The following STPG4 variants were observed in gnomAD, a reference collection of about 807,000 sequenced individuals.
The protein encoded by STPG4 is sperm-tail PG-rich repeat containing 4.
A neutral mutation model predicts 31.5 loss-of-function variants in STPG4; 41 were observed. The observed-to-expected ratio is 1.30, with a 90% CI of 1.01 to 1.69. STPG4 has a LOEUF of 1.69. Among genes scored for constraint, STPG4 ranks in the 40% most tolerant of loss-of-function variants. The pLI is 0.00. For missense variants in STPG4, 375 were observed against 293.4 expected, an observed-to-expected ratio of 1.28 and a Z score of -2.03; for synonymous variants, 141 against 103.0, an observed-to-expected ratio of 1.37 and a Z score of -2.24.
chr2:47,108,787 G>C (rs974724611), intron 5 of STPG4: 1 of 152,284 alleles, frequency 6.6e-6, no homozygotes, highest in Non-Finnish European at 1.5e-5. Context: ...AGACTGACCA[G>C]AGGATCCCCT....
chr2:47,120,613 A>C (rs1686249623), intron 5 of STPG4, among the ~76,000 whole-genome samples: 1 of 151,720 alleles, frequency 6.6e-6, no homozygotes, highest in Non-Finnish European at 1.5e-5. Context: ...GTTCCCCCTT[A>C]TTTGACATCT....
intron 5 of STPG4, among the ~76,000 whole-genome samples, chr2:47,102,949 G>C (rs1000813938): frequency 6.6e-6 from 1 of 151,916 alleles, no homozygotes; most frequent in Non-Finnish European, 1.5e-5. Flanking sequence ...GAGATGTCAT[G>C]CTACTGTTAG....
chr2:47,141,523 T>C (rs972564266), intron 3 of STPG4, among the ~76,000 whole-genome samples: 1 of 151,190 alleles, frequency 6.6e-6, no homozygotes. Context: ...AATCACTGCA[T>C]TACTTTGCAG....
intron 5 of STPG4, among the ~76,000 whole-genome samples, chr2:47,113,664 G>T (rs1415171744): frequency 6.6e-6 from 1 of 152,200 alleles, no homozygotes; most frequent in African/African-American, 2.4e-5. Flanking sequence ...CTTGATTGCT[G>T]AAGTTCTGTC....
intron 3 of STPG4, among the ~76,000 whole-genome samples, chr2:47,149,193 G>A (rs371478536): frequency 7.9e-5 from 12 of 152,178 alleles, no homozygotes; most frequent in African/African-American, 2.7e-4. Context: ...GGAGAGGAAA[G>A]AAGAAAGAAA....
rs1278021632 is a variant in STPG4 at position 47,122,015 on chromosome 2, AT to A, written c.519+7925del. Among the ~76,000 whole-genome samples the A allele has an allele frequency of 2.0e-5, 3 of 152,240 alleles. No individual in the cohort carries two copies. The East Asian group carries it at 5.8e-4, about 29-fold the overall frequency. Reference sequence around the variant, plus strand: ...ATTCCAGGCATTAGGGCATAGACATATCTTTGGGGGCTATAATTTAGCCTTC... The same window carrying A: ...ATTCCAGGCATTAGGGCATAGACATACTTTGGGGGCTATAATTTAGCCTTC... On this transcript the variant is annotated intron_variant, in intron 5 of 6. Transcript: ENST00000445927.
chr2:47,112,690 A>G (rs191189884), intron 5 of STPG4, among the ~76,000 whole-genome samples: 172 of 152,326 alleles, frequency 1.1e-3, no homozygotes, highest in Admixed American at 3.3e-3. Flanking sequence ...CACATATATC[A>G]ACATTGAGGC....
intron 5 of STPG4, among the ~76,000 whole-genome samples, chr2:47,093,100 G>A (rs912220663): frequency 6.6e-6 from 1 of 152,166 alleles, no homozygotes; most frequent in Admixed American, 6.5e-5. Context: ...CCTTCCACAG[G>A]ATTTAAAGCA....
chr2:47,130,327 T>C, intron 3 of STPG4, 67 bp from the exon 4 acceptor site: 2 of 1,221,490 alleles, frequency 1.6e-6, no homozygotes, highest in East Asian at 2.3e-5. Flanking sequence ...TTATCTGTCA[T>C]TCGTAATCTT....
At chr2:47,090,221 T>C (rs756722532) in intron 6 of STPG4, 49 bp downstream of exon 6, 2 of 1,325,910 alleles carry the variant, frequency 1.5e-6, no homozygotes, top group South Asian at 2.5e-5. Context: ...CCTACCACCA[T>C]AACCATACCC....
intron 3 of STPG4, among the ~76,000 whole-genome samples, chr2:47,146,746 C>T (rs1686828951): frequency 6.6e-6 from 1 of 151,904 alleles, no homozygotes; most frequent in South Asian, 2.1e-4. Context: ...GCTTGGGGCA[C>T]TCCAAGATGG....
At chr2:47,154,538 T>C (rs72810419) in intron 1 of STPG4, among the ~76,000 whole-genome samples, 23,049 of 152,232 alleles carry the variant, frequency 0.15, 2,172 homozygotes, top group African/African-American at 0.26. Context: ...AGATAAAAGA[T>C]TAGGTTAAAC....
intron 6 of STPG4, among the ~76,000 whole-genome samples, chr2:47,089,264 C>A (rs1685520161): frequency 6.6e-6 from 1 of 152,038 alleles, no homozygotes; most frequent in South Asian, 2.1e-4. Flanking sequence ...ATCCCCCAGC[C>A]TCCTGCTGTC....
intron 5 of STPG4, among the ~76,000 whole-genome samples, chr2:47,103,096 C>T (rs550794058): frequency 1.3e-5 from 2 of 152,046 alleles, no homozygotes; most frequent in Non-Finnish European, 2.9e-5. Flanking sequence ...GTCAGCAAGC[C>T]ATCCCCAGTA....
At chr2:47,151,180 A>G in intron 3 of STPG4, 78 bp downstream of exon 3, 1 of 1,524,850 alleles carries the variant, frequency 6.6e-7, no homozygotes, top group Non-Finnish European at 8.9e-7. Flanking sequence ...GGGAAGATAT[A>G]CTCTACGTAT....
chr2:47,121,669 G>A (rs1165426699), intron 5 of STPG4, among the ~76,000 whole-genome samples: 1 of 152,190 alleles, frequency 6.6e-6, no homozygotes, highest in Non-Finnish European at 1.5e-5. Flanking sequence ...TCTAGGGTCT[G>A]AAGTCTGAGT....
chr2:47,096,949 C>A (rs1156609712), intron 5 of STPG4, among the ~76,000 whole-genome samples: 1 of 151,966 alleles, frequency 6.6e-6, no homozygotes, highest in Non-Finnish European at 1.5e-5. Context: ...ATGGTGAGTT[C>A]ACAGTGAGGG....
chr2:47,103,333 A>G (rs573053250), intron 5 of STPG4, among the ~76,000 whole-genome samples: 1 of 152,090 alleles, frequency 6.6e-6, no homozygotes, highest in South Asian at 2.1e-4. Flanking sequence ...TCGAGGGTCA[A>G]TTGATTCTAA....
intron 5 of STPG4, among the ~76,000 whole-genome samples, chr2:47,126,835 C>A (rs1285784297): frequency 6.6e-6 from 1 of 152,084 alleles, no homozygotes; most frequent in Admixed American, 6.6e-5. Flanking sequence ...ATATGTCATG[C>A]CACTCACTCC....
Sources: gnomAD v4.1 joint callset for allele counts (sites outside exome capture counted in the v4.1 genomes callset) on GRCh38, gnomAD v4.1.1 for gene constraint, MANE v1.5 for transcripts, NCBI Gene and HGNC (gene_info 2026-07-23, HGNC 2026-07-21) for gene names.